The following PRKAR1B variants were observed in gnomAD, a reference collection of about 807,000 sequenced individuals.
PRKAR1B encodes protein kinase cAMP-dependent type I regulatory subunit beta.
Under a neutral mutation model 46.5 loss-of-function variants are expected in PRKAR1B, and 22 were observed. That is an observed-to-expected ratio of 0.47 (90% confidence interval 0.34 to 0.68). The LOEUF (loss-of-function observed/expected upper bound fraction) is 0.68, where lower values mean the gene tolerates loss of function less well. Among genes scored for constraint, PRKAR1B ranks in the 30% least tolerant of loss-of-function variants. The pLI is 0.01. For missense variants in PRKAR1B, 445 were observed against 535.6 expected, an observed-to-expected ratio of 0.83 and a Z score of 1.67; for synonymous variants, 259 against 217.7, an observed-to-expected ratio of 1.19 and a Z score of -1.67.
rs1356770118 is a variant in PRKAR1B at position 560,332 on chromosome 7, C to T, written c.892-8862G>A. 6.7e-6 allele frequency among the ~76,000 whole-genome samples: 1 copy of T among 149,286 alleles called. No individual in the cohort carries two copies. Among genetic ancestry groups the T allele is most frequent in the African/African-American group, 2.5e-5 (1 of 40,206 alleles). ...AATTACCCAGTCTCGGGCATTTCTT[C>T]ATAGCAGTGTTAGAATGAACTAATA... On this transcript the variant is annotated intron_variant, in intron 9 of 10. Transcript: ENST00000537384. This position sits in a 1 kb window ranked among gnomAD's most constrained non-coding sequence, Gnocchi z 4.2.
chr7:612,897 A>G (rs147146408), intron 4 of PRKAR1B, among the ~76,000 whole-genome samples: 2,227 of 152,344 alleles, frequency 0.015, 22 homozygotes, highest in Non-Finnish European at 0.023. Context: ...CACTGTCAGC[A>G]ACAGAGGCTT....
chr7:587,465 T>C (rs1189537577), intron 7 of PRKAR1B, among the ~76,000 whole-genome samples: 2 of 152,156 alleles, frequency 1.3e-5, no homozygotes, highest in Non-Finnish European at 2.9e-5. Flanking sequence ...CGTGGTGAAG[T>C]GGGGGTCTGC....
At chr7:589,673 C>T (rs1400500257) in intron 7 of PRKAR1B, among the ~76,000 whole-genome samples, 1 of 152,238 alleles carries the variant, frequency 6.6e-6, no homozygotes, top group Non-Finnish European at 1.5e-5. Context: ...GCTCGCACGG[C>T]CAGGCCCCAC....
At chr7:616,707 C>T (rs1184052004) in intron 4 of PRKAR1B, among the ~76,000 whole-genome samples, 2 of 152,200 alleles carry the variant, frequency 1.3e-5, no homozygotes, top group African/African-American at 4.8e-5. Flanking sequence ...CCAGCCTTTT[C>T]CCTCCACACC....
chr7:703,698 C>A (rs1780176926), intron 2 of PRKAR1B, among the ~76,000 whole-genome samples: 1 of 151,154 alleles, frequency 6.6e-6, no homozygotes, highest in Admixed American at 6.6e-5. Flanking sequence ...AAGACCCTAA[C>A]CTGAACAACC....
At position 598,712 on chromosome 7, in the gene PRKAR1B, G is replaced by A. The variant is rs767800214; in HGVS notation, c.550-2408C>T. On this transcript the variant is annotated intron_variant, in intron 6 of 10. Transcript: ENST00000537384. The stretch of plus-strand genomic sequence containing the variant: ...ATGCAGGGGCCTCTTGCTGAGCCAC[G>A]AAAGCAGTGTGGACTCAGAAGATGT... Among the ~76,000 whole-genome samples, 40 of 152,320 alleles carry A rather than the reference G, an allele frequency of 2.6e-4. 1 individual carries two copies. The highest frequency in any genetic ancestry group is 1.5e-3 in the Admixed American group (23 of 15,308).
chr7:722,159 G>C (rs1159150108), intron 1 of PRKAR1B, among the ~76,000 whole-genome samples: 3 of 147,712 alleles, frequency 2.0e-5, no homozygotes, highest in African/African-American at 7.6e-5. Flanking sequence ...GGAGTGCGGT[G>C]GCATGATATT....
chr7:715,830 C>G (rs1209192518), intron 1 of PRKAR1B, among the ~76,000 whole-genome samples: 2 of 151,694 alleles, frequency 1.3e-5, no homozygotes, highest in East Asian at 3.9e-4. Context: ...ATTCTCCTGC[C>G]TCAGCCTCCC....
At chr7:569,325 C>T (rs1337146203) in intron 9 of PRKAR1B, among the ~76,000 whole-genome samples, 1 of 152,186 alleles carries the variant, frequency 6.6e-6, no homozygotes, top group African/African-American at 2.4e-5. Flanking sequence ...CAATTCACAT[C>T]GAAACTCACT....
In PRKAR1B at chr7:652,047, C is replaced by T. The variant is rs1383008521; in HGVS notation, c.440+25182G>A. The stretch of plus-strand genomic sequence containing the variant: ...CGGAACACAGTTCACACCCACACAA[C>T]GCTAGGAACCTGGGGAAACCCCTCT... On this transcript the variant is annotated intron_variant, in intron 4 of 10. Coordinates refer to ENST00000537384, the MANE Select transcript of PRKAR1B (RefSeq NM_001164760.2). Among the ~76,000 whole-genome samples the T allele has an allele frequency of 1.0e-4, 10 of 96,168 alleles. 1 individual carries two copies. Among genetic ancestry groups the T allele is most frequent in the Admixed American group, 8.1e-4 (8 of 9,936 alleles). 63.1% of individuals were successfully genotyped at this position (96,168 alleles called of 152,430 possible).
chr7:647,910 G>A (rs73254245), intron 4 of PRKAR1B, among the ~76,000 whole-genome samples: 3,632 of 149,476 alleles, frequency 0.024, 106 homozygotes, highest in African/African-American at 0.071. Flanking sequence ...CCTGTAATCC[G>A]GTGCTTTGAG....
intron 4 of PRKAR1B, among the ~76,000 whole-genome samples, chr7:611,726 G>A (rs1247941926): frequency 6.6e-6 from 1 of 152,352 alleles, no homozygotes; most frequent in East Asian, 1.9e-4. Flanking sequence ...GAACGGATGA[G>A]TGAATGGACA....
At position 691,627 on chromosome 7, in the gene PRKAR1B, A is replaced by G. The variant is rs1464209878; in HGVS notation, c.178-10901T>C. 3.8e-6 allele frequency: 5 copies of G among 1,303,092 alleles called. No individual in the cohort carries two copies. The Admixed American group carries it at 1.1e-4, about 30-fold the overall frequency. The allele number at this position is 1,303,092 out of a possible 1,614,324, so 80.7% of individuals were successfully genotyped here. On this transcript the variant is annotated intron_variant, in intron 2 of 10. Transcript: ENST00000537384. ...AGGTGGACGCCCTGCCGTGTGCTGA[A>G]TGGCATGTGGCCTCCGCCCAGGTCT... is the stretch of plus-strand genomic sequence containing the variant.
chr7:659,581 A>T (rs1785393938), intron 4 of PRKAR1B, among the ~76,000 whole-genome samples: 1 of 152,170 alleles, frequency 6.6e-6, no homozygotes, highest in Non-Finnish European at 1.5e-5. Context: ...TGGTGAGGCA[A>T]GAAGACGACG....
chr7:694,902 G>A (rs1189163710), intron 2 of PRKAR1B, among the ~76,000 whole-genome samples: 1 of 152,056 alleles, frequency 6.6e-6, no homozygotes, highest in African/African-American at 2.4e-5. Context: ...CAGGCGTGGT[G>A]GTGGGCACCT....
chr7:625,038 A>G (rs1386753835), intron 4 of PRKAR1B, among the ~76,000 whole-genome samples: 1 of 152,236 alleles, frequency 6.6e-6, no homozygotes, highest in Non-Finnish European at 1.5e-5. Flanking sequence ...ACAAATGTAA[A>G]AGAACAGAAA....
At chr7:566,714 A>ACCT (rs1779195794) in intron 9 of PRKAR1B, among the ~76,000 whole-genome samples, 2 of 42 alleles carry the variant, frequency 0.048, no homozygotes, top group African/African-American at 0.1. Context: ...CATCATCACC[A>ACCT]TCATCACCAT....
At chr7:629,074 C>A (rs1469610059) in intron 4 of PRKAR1B, among the ~76,000 whole-genome samples, 1 of 152,244 alleles carries the variant, frequency 6.6e-6, no homozygotes, top group Non-Finnish European at 1.5e-5. Context: ...CCGCTCCGTG[C>A]AGAAGATGAG....
chr7:712,440 A>C, intron 1 of PRKAR1B: 1 of 147,982 alleles, frequency 6.8e-6, no homozygotes, highest in Non-Finnish European at 1.5e-5. Context: ...CGAGGCCAGG[A>C]GGCGGCTGCG....
Sources: gnomAD v4.1 joint callset for allele counts (sites outside exome capture counted in the v4.1 genomes callset) on GRCh38, gnomAD v4.1.1 for gene constraint, Gnocchi (gnomAD v3.1) non-coding constraint, MANE v1.5 for transcripts, NCBI Gene and HGNC (gene_info 2026-07-23, HGNC 2026-07-21) for gene names.